Variants in RBM10 observed in about 807,000 individuals in gnomAD.
RBM10 encodes the protein RNA binding motif protein 10.
In RBM10, 1 loss-of-function variant was observed where a neutral mutation model predicts 84.9. The observed-to-expected ratio is 0.01, with a 90% confidence interval of 0.00 to 0.06. The LOEUF (loss-of-function observed/expected upper bound fraction) is 0.06. Among genes scored for constraint, RBM10 ranks in the 10% least tolerant of loss-of-function variants. The probability of loss-of-function intolerance (pLI) is 1.00; values close to 1 mark genes in which losing one functional copy is unlikely to be tolerated. For missense variants in RBM10, 438 were observed against 839.0 expected (o/e 0.52, Z 5.90); for synonymous variants, 326 against 344.5 (o/e 0.95, Z 0.60).
At chrX:47,179,681 A>G in intron 9 of RBM10, 186 bp downstream of exon 9, 1 of 762,926 alleles carries the variant, frequency 1.3e-6, no homozygotes, top group East Asian at 3.5e-5. Flanking sequence ...GTGTGTCGGG[A>G]AGGTTCTCAG....
chrX:47,148,544 C>T (rs1449549536), intron 2 of RBM10, among the ~76,000 whole-genome samples: 2 of 109,384 alleles, frequency 1.8e-5, no homozygotes, highest in Non-Finnish European at 3.8e-5. Context: ...ATTTTTATTC[C>T]CAATTCCCAC....
chrX:47,185,877 G>A (rs1198799899), intron 21 of RBM10, 87 bp downstream of exon 21: 13 of 1,178,866 alleles, frequency 1.1e-5, no homozygotes, highest in Non-Finnish European at 1.4e-5. Context: ...AATTTCTCAC[G>A]TGTTAACCCC....
chrX:47,176,649 C>T lies in RBM10; in HGVS notation c.663+63C>T, dbSNP rs1253424732. The T allele has an allele frequency of 5.0e-6, 6 of 1,191,284 alleles. No individual in the cohort carries two copies. The African/African-American group carries it at 8.9e-5, about 18-fold the overall frequency. Reference sequence around the variant, plus strand: ...ACAGCAACAGCAGTGGCGGCGATCTCTCCCTTCCTCTCCCGCTCTTTCTCC... The same window carrying T: ...ACAGCAACAGCAGTGGCGGCGATCTTTCCCTTCCTCTCCCGCTCTTTCTCC... On this transcript the variant is annotated intron_variant, in intron 7 of 23. Transcript: ENST00000377604.
chrX:47,186,026 C>T (rs1935880263), intron 21 of RBM10, 39 bp from the exon 22 acceptor site: 1 of 1,199,462 alleles, frequency 8.3e-7, no homozygotes, highest in Non-Finnish European at 1.1e-6. Context: ...AGAAAAGAGA[C>T]CAGCTCCCCA....
rs782084766 is a variant in RBM10 at position 47,185,822 on chromosome X, CCT to C, written c.2430+33_2430+34del. ...TGTGACCTGACCCTGGGCTCCCTCC[CCT>C]GTGTCCCTTCCAAGTCCCCATCACC... On this transcript the variant is annotated intron_variant, in intron 21 of 23. Transcript: ENST00000377604. The C allele has an allele frequency of 1.3e-5, 16 of 1,204,804 alleles. No individual in the cohort carries two copies. In the South Asian group the frequency reaches 2.2e-4, roughly 16 times the overall value.
Position 47,145,420 on chromosome X carries a change from TGGA to T in RBM10, c.-185_-183del, listed in dbSNP as rs1170154274. On this transcript the variant is annotated 5_prime_UTR_variant, in exon 1 of 24. Transcript: ENST00000377604. ...CCGGCTCCGGCTGAGCTGGGAGAGT[TGGA>T]GGAGGTGGCGGCGGGCAGAGGTGAT... 8.7e-7 allele frequency: 1 copy of T among 1,149,577 alleles called. No individual in the cohort carries two copies. The highest frequency in any genetic ancestry group is 1.2e-6 in the Non-Finnish European group (1 of 868,434). 94.7% of individuals were successfully genotyped at this position (1,149,577 alleles called of 1,213,427 possible). A position where few individuals can be genotyped will look rare whatever the true frequency, so the allele number is the denominator to read the frequency against.
In RBM10 at chrX:47,181,615, G is replaced by A. The variant is rs1012378199; in HGVS notation, c.1544G>A (p.Ser515Asn). 2.5e-6 allele frequency: 3 copies of A among 1,206,927 alleles called. No homozygotes were observed. The highest frequency in any genetic ancestry group is 3.4e-6 in the Non-Finnish European group (3 of 893,638). The change falls in exon 14 of 24, where the codon AGC (serine) becomes AAC (asparagine). Residue 515 changes from serine to asparagine, a missense_variant. Physicochemically the swap from Ser to Asn is conservative, Grantham distance 46 (BLOSUM62 1). Transcript: ENST00000377604. ...ATCTACCAACAATCAGCCGAGGCGA[G>A]CAGTAGCCAGGGCACTGCTGCCAAC... ...PGIYQQSAEA[S>N]SSQGTAANSQ...
chrX:47,156,456 CACT>C (rs1933155795), intron 2 of RBM10, among the ~76,000 whole-genome samples: 1 of 111,304 alleles, frequency 9.0e-6, no homozygotes, highest in Non-Finnish European at 1.9e-5. Context: ...AACGCTGGAC[CACT>C]TGATGTTCTC....
At chrX:47,172,971 G>T (rs1934782716) in intron 4 of RBM10, among the ~76,000 whole-genome samples, 157 bp from the exon 5 acceptor site, 1 of 112,342 alleles carries the variant, frequency 8.9e-6, no homozygotes, top group Admixed American at 9.4e-5. Flanking sequence ...GTGTGGGCCT[G>T]GGGCTGTTGT....
At chrX:47,154,422 A>AT (rs201720720) in intron 2 of RBM10, among the ~76,000 whole-genome samples, 2 of 30,638 alleles carry the variant, frequency 6.5e-5, no homozygotes, top group African/African-American at 1.4e-4. Flanking sequence ...TCAGTTCTTG[A>AT]TTTTTTTTCC....
chrX:47,170,738 G>C (rs1159911209), intron 3 of RBM10, among the ~76,000 whole-genome samples: 3 of 112,325 alleles, frequency 2.7e-5, no homozygotes, highest in Non-Finnish European at 5.6e-5. Context: ...CCCCAAGGAG[G>C]TTTAAGCTGT....
intron 6 of RBM10, 134 bp downstream of exon 6, chrX:47,175,226 C>CT (rs1556775594): frequency 7.2e-5 from 36 of 498,045 alleles, no homozygotes; most frequent in South Asian, 6.0e-4. Flanking sequence ...CCCTCTCTCC[C>CT]CTTCCTGACC....
In RBM10 at chrX:47,181,936, C is replaced by T; in HGVS notation, c.1694-15C>T. On this transcript the variant is annotated splice_polypyrimidine_tract_variant and intron_variant, in intron 15 of 23. Transcript: ENST00000377604. ...AAGCAGGGAATAGTGTGACCCCGTT[C>T]CCCTCACCCCCTAGCTGTTCCCGAC... 2.5e-6 allele frequency: 3 copies of T among 1,210,957 alleles called. No individual in the cohort carries two copies. The highest frequency in any genetic ancestry group is 3.4e-6 in the Non-Finnish European group (3 of 895,350).
intron 2 of RBM10, among the ~76,000 whole-genome samples, chrX:47,161,090 ATTTC>A (rs1165327228): frequency 5.5e-5 from 6 of 109,937 alleles, no homozygotes; most frequent in South Asian, 3.8e-4. Flanking sequence ...CACACAGCTA[ATTTC>A]TTTCTTTCTT....
At chrX:47,185,246 GTCCT>G in intron 18 of RBM10, 42 bp downstream of exon 18, 2 of 1,212,034 alleles carry the variant, frequency 1.7e-6, no homozygotes, top group Non-Finnish European at 1.1e-6. Flanking sequence ...CCACAATCTT[GTCCT>G]TCCTTTGGGC....
intron 2 of RBM10, 107 bp from the exon 3 acceptor site, chrX:47,169,208 G>C (rs922555366): frequency 7.2e-6 from 5 of 695,740 alleles, no homozygotes; most frequent in Non-Finnish European, 1.1e-5. Context: ...TCTGTTGTAT[G>C]CTCCTCCAAA....
intron 5 of RBM10, among the ~76,000 whole-genome samples, chrX:47,174,486 C>T (rs1367348527): frequency 9.0e-6 from 1 of 111,576 alleles, no homozygotes; most frequent in Non-Finnish European, 1.9e-5. Flanking sequence ...CCTTCCTAGC[C>T]TCGCAGAGCA....
chrX:47,185,678 G>T, intron 20 of RBM10, 38 bp from the exon 21 acceptor site: 1 of 1,209,996 alleles, frequency 8.3e-7, no homozygotes, highest in Non-Finnish European at 1.1e-6. Flanking sequence ...GCCCACTGAG[G>T]CTCATCCTCT....
At chrX:47,179,636 CA>C (rs1935381922) in intron 9 of RBM10, 141 bp downstream of exon 9, 1 of 814,869 alleles carries the variant, frequency 1.2e-6, no homozygotes. Flanking sequence ...GTAGGGAGAA[CA>C]GGGGGAGTGG....
Sources: gnomAD v4.1 joint callset for allele counts (sites outside exome capture counted in the v4.1 genomes callset) on GRCh38, gnomAD v4.1.1 for gene constraint, MANE v1.5 for transcripts, NCBI Gene and HGNC (gene_info 2026-07-23, HGNC 2026-07-21) for gene names.